Variants in C2CD2L observed in about 807,000 individuals in gnomAD.
C2CD2L encodes the protein phospholipid transfer protein C2CD2L.
In C2CD2L, 24 loss-of-function variants were observed where a neutral mutation model predicts 69.9. That is an observed-to-expected ratio of 0.34 (90% CI 0.25 to 0.48). The LOEUF (loss-of-function observed/expected upper bound fraction) is 0.48, where lower values mean the gene tolerates loss of function less well. Among genes scored for constraint, C2CD2L ranks in the 20% least tolerant of loss-of-function variants. The probability of loss-of-function intolerance (pLI) is 0.99; values close to 1 mark genes in which losing one functional copy is unlikely to be tolerated. For missense variants in C2CD2L, 811 were observed against 941.5 expected (o/e 0.86, Z 1.81); for synonymous variants, 367 against 391.0 (o/e 0.94, Z 0.72).
chr11:119,102,264 C>T, upstream of C2CD2L: 1 of 480,562 alleles, frequency 2.1e-6, no homozygotes, highest in South Asian at 1.5e-5. Context: ...GGGATGCCTC[C>T]GGCTCCAGGA....
Position 119,114,177 on chromosome 11 carries a change from C to T in C2CD2L, c.1721C>T (p.Ser574Phe), listed in dbSNP as rs778502026. The stretch of plus-strand genomic sequence containing the variant: ...GATGCAGGGACCAGCGGAGGCCCCT[C>T]TTCACCTCCCTCAGACCCACCAGCC... Reference protein sequence around the residue: ...QDDAGTSGGPSSPPSDPPAMS... With the variant: ...QDDAGTSGGPFSPPSDPPAMS... The change falls in exon 13 of 14, where the codon TCT (serine) becomes TTT (phenylalanine). Residue 574 changes from serine (S) to phenylalanine (F), a missense_variant. Coordinates refer to ENST00000648610, the MANE Select transcript of C2CD2L (RefSeq NM_001290474.2). The surrounding 1 kb of genome is among the most constrained non-coding windows in gnomAD (Gnocchi z 5.1). The T allele has an allele frequency of 6.2e-7, 1 of 1,614,158 alleles. No homozygotes were observed. The highest frequency in any genetic ancestry group is 1.1e-5 in the South Asian group (1 of 91,078).
upstream of C2CD2L, among the ~76,000 whole-genome samples, chr11:119,103,705 A>G (rs112285792): frequency 4.2e-3 from 647 of 152,320 alleles, 5 homozygotes; most frequent in African/African-American, 0.015. Flanking sequence ...CAAAACAAAC[A>G]AACAAACAAA....
In C2CD2L at chr11:119,117,311, A is replaced by T. The variant is rs1459438467; in HGVS notation, c.*1055A>T. 1.3e-5 allele frequency: 2 copies of T among 152,254 alleles called. No individual in the cohort carries two copies. The highest frequency in any genetic ancestry group is 2.9e-5 in the Non-Finnish European group (2 of 68,050). The allele number at this position is 152,254 out of a possible 1,614,324, so 9.4% of individuals were successfully genotyped here. A position where few individuals can be genotyped will look rare whatever the true frequency, so the allele number is the denominator to read the frequency against. On this transcript the variant is annotated 3_prime_UTR_variant, in exon 14 of 14. Transcript: ENST00000648610. ...TGGAAGAGACAGGAGGCTCTGGAGT[A>T]TGAAATTGTAGCAAAAAACTCAATC... is the stretch of plus-strand genomic sequence containing the variant.
At position 119,110,980 on chromosome 11, in the gene C2CD2L, G is replaced by C; in HGVS notation, c.681+23G>C. 1 of 1,613,996 alleles carries C rather than the reference G, an allele frequency of 6.2e-7. No individual in the cohort carries two copies. Among genetic ancestry groups the C allele is most frequent in the Non-Finnish European group, 8.5e-7 (1 of 1,179,858 alleles). On this transcript the variant is annotated intron_variant, in intron 4 of 13. Coordinates refer to ENST00000648610, the MANE Select transcript of C2CD2L (RefSeq NM_001290474.2). This position sits in a 1 kb window ranked among gnomAD's most constrained non-coding sequence, Gnocchi z 5.7. ...GAGGTAAGGAGGCAGAGCTGGCAGAGAAGAGGCAGAACGGGGAGGGAGGCA... is the reference window on the plus strand; with the variant it reads ...GAGGTAAGGAGGCAGAGCTGGCAGACAAGAGGCAGAACGGGGAGGGAGGCA...
rs1189879282 is a variant in C2CD2L, at chr11:119,114,014, T to G, written c.1623+26T>G. On this transcript the variant is annotated intron_variant, in intron 12 of 13. Transcript: ENST00000648610. This position sits in a 1 kb window ranked among gnomAD's most constrained non-coding sequence, Gnocchi z 5.1. ...GTAACAGGGCTCTGGGGAGAGGAGC[T>G]GGGATGGGGAGAAAGCCCTAATGGG... 3 of 1,613,350 alleles carry G rather than the reference T, an allele frequency of 1.9e-6. No individual in the cohort carries two copies. Among genetic ancestry groups the G allele is most frequent in the Non-Finnish European group, 8.5e-7 (1 of 1,179,418 alleles).
chr11:119,108,155 ACT>A, intron 1 of C2CD2L, 60 bp downstream of exon 1: 1 of 1,204,330 alleles, frequency 8.3e-7, no homozygotes, highest in Non-Finnish European at 1.2e-6. Context: ...GGAGGGACTG[ACT>A]GCTCGTGCTA....
chr11:119,114,185 C>G lies in C2CD2L; in HGVS notation c.1729C>G (p.Pro577Ala), dbSNP rs968177872. 1 of 1,614,170 alleles carries G rather than the reference C, an allele frequency of 6.2e-7. No individual in the cohort carries two copies. Among genetic ancestry groups the G allele is most frequent in the Non-Finnish European group, 8.5e-7 (1 of 1,180,032 alleles). The change falls in exon 13 of 14, where the codon CCC (proline) becomes GCC (alanine). Residue 577 changes from proline to alanine, a missense_variant. Transcript: ENST00000648610. This position sits in a 1 kb window ranked among gnomAD's most constrained non-coding sequence, Gnocchi z 5.1. ...AGTSGGPSSP[P>A]SDPPAMSPGP... Reference sequence around the variant, plus strand: ...GACCAGCGGAGGCCCCTCTTCACCTCCCTCAGACCCACCAGCCATGTCTCC... The same window carrying G: ...GACCAGCGGAGGCCCCTCTTCACCTGCCTCAGACCCACCAGCCATGTCTCC...
Position 119,110,976 on chromosome 11 carries a change from C to T in C2CD2L, c.681+19C>T. On this transcript the variant is annotated intron_variant, in intron 4 of 13. Transcript: ENST00000648610. The surrounding 1 kb of genome is among the most constrained non-coding windows in gnomAD (Gnocchi z 5.7). ...CAGGGAGGTAAGGAGGCAGAGCTGG[C>T]AGAGAAGAGGCAGAACGGGGAGGGA... 6.2e-7 allele frequency: 1 copy of T among 1,613,912 alleles called. No individual in the cohort carries two copies. Among genetic ancestry groups the T allele is most frequent in the Non-Finnish European group, 8.5e-7 (1 of 1,179,832 alleles).
chr11:119,111,484 C>A, intron 6 of C2CD2L, 37 bp from the exon 7 acceptor site: 1 of 1,606,360 alleles, frequency 6.2e-7, no homozygotes, highest in South Asian at 1.1e-5. Context: ...CTTCCCATCT[C>A]TGATCTGAGC....
rs1403825851 is a variant in C2CD2L, at chr11:119,107,634, G to C, written c.-108G>C. ...CCGCGGAGAGCCCCCGACCCCGCGCGCCCAGCCCCGGGGGAGCCCACCTCC... is the reference window on the plus strand; with the variant it reads ...CCGCGGAGAGCCCCCGACCCCGCGCCCCCAGCCCCGGGGGAGCCCACCTCC... On this transcript the variant is annotated 5_prime_UTR_variant, in exon 1 of 14. Coordinates refer to ENST00000648610, the MANE Select transcript of C2CD2L (RefSeq NM_001290474.2). The surrounding 1 kb of genome is among the most constrained non-coding windows in gnomAD (Gnocchi z 5.4). The C allele has an allele frequency of 6.9e-6, 4 of 577,872 alleles. No homozygotes were observed. The highest frequency in any genetic ancestry group is 8.1e-6 in the Non-Finnish European group (3 of 369,996). 35.8% of individuals were successfully genotyped at this position (577,872 alleles called of 1,614,324 possible).
chr11:119,116,290 G>A lies in C2CD2L; in HGVS notation c.*34G>A. The stretch of plus-strand genomic sequence containing the variant: ...CTCTGAAAGGGCACGAGTTCTCTCA[G>A]CCCATTCCCCACCTCCCCTTCCATA... On this transcript the variant is annotated 3_prime_UTR_variant, in exon 14 of 14. Transcript: ENST00000648610. 2 of 1,526,466 alleles carry A rather than the reference G, an allele frequency of 1.3e-6. No homozygotes were observed. The highest frequency in any genetic ancestry group is 1.1e-5 in the South Asian group (1 of 89,294). 94.6% of individuals were successfully genotyped at this position (1,526,466 alleles called of 1,614,324 possible).
chr11:119,102,925 T>C (rs1190393871), upstream of C2CD2L, among the ~76,000 whole-genome samples: 2 of 124,258 alleles, frequency 1.6e-5, no homozygotes, highest in Non-Finnish European at 3.2e-5. Flanking sequence ...CAGGCTGGAG[T>C]GCAATGGCGC....
At position 119,111,317 on chromosome 11, in the gene C2CD2L, C is replaced by A. The variant is rs768428400; in HGVS notation, c.853C>A (p.Pro285Thr). 6.2e-7 allele frequency: 1 copy of A among 1,614,112 alleles called. No homozygotes were observed. The highest frequency in any genetic ancestry group is 1.3e-5 in the African/African-American group (1 of 74,934). ...MPQAQPAIPR[P>T]NRLFLRQLRA... Reference sequence around the variant, plus strand: ...CCAGGCTCAGCCAGCCATCCCCAGACCTAACCGGTTATTCCTACGGCAGCT... The same window carrying A: ...CCAGGCTCAGCCAGCCATCCCCAGAACTAACCGGTTATTCCTACGGCAGCT... Residue 285 changes from proline (P) to threonine (T), a missense_variant, in exon 6 of 14, where the codon CCT (proline) becomes ACT (threonine). Transcript: ENST00000648610.
upstream of C2CD2L, among the ~76,000 whole-genome samples, chr11:119,105,609 C>T (rs1440858868): frequency 6.7e-6 from 1 of 150,338 alleles, no homozygotes; most frequent in Non-Finnish European, 1.5e-5. Flanking sequence ...TACTGCACCC[C>T]AGCCTGGGCA....
At position 119,114,250 on chromosome 11, in the gene C2CD2L, G is replaced by A; in HGVS notation, c.1794G>A (p.Gln598=). Residue 598 remains glutamine, a synonymous_variant, in exon 13 of 14, where the codon CAG becomes CAA. Coordinates refer to ENST00000648610, the MANE Select transcript of C2CD2L (RefSeq NM_001290474.2). The surrounding 1 kb of genome is among the most constrained non-coding windows in gnomAD (Gnocchi z 5.1). ...LDALSSPTSV[Q]EADETTRSDI... ...CCCTCTCTAGTCCCACAAGTGTCCA[G>A]GAAGCAGACGAGACAACCCGTTCGG... is the stretch of plus-strand genomic sequence containing the variant. 1 of 1,614,184 alleles carries A rather than the reference G, an allele frequency of 6.2e-7. No homozygotes were observed. Among genetic ancestry groups the A allele is most frequent in the Non-Finnish European group, 8.5e-7 (1 of 1,180,032 alleles).
chr11:119,112,375 G>A lies in C2CD2L; in HGVS notation c.1067G>A (p.Ser356Asn). 6.2e-7 allele frequency: 1 copy of A among 1,613,706 alleles called. No homozygotes were observed. The highest frequency in any genetic ancestry group is 8.5e-7 in the Non-Finnish European group (1 of 1,179,884). Residue 356 changes from serine to asparagine, a missense_variant, in exon 8 of 14, where the codon AGC becomes AAC. Ser to Asn is a conservative substitution (Grantham distance 46). Coordinates refer to ENST00000648610, the MANE Select transcript of C2CD2L (RefSeq NM_001290474.2). ...SRELTLKVLR[S>N]SSCGDTELLG... ...GAGCTGACCCTCAAAGTGCTGAGGAGCAGCAGCTGTGGAGACAGTAAGTGA... is the reference window on the plus strand; with the variant it reads ...GAGCTGACCCTCAAAGTGCTGAGGAACAGCAGCTGTGGAGACAGTAAGTGA...
Position 119,114,607 on chromosome 11 carries a change from C to T in C2CD2L, c.1909+242C>T, listed in dbSNP as rs1946838623. 1.8e-6 allele frequency: 1 copy of T among 546,104 alleles called. No individual in the cohort carries two copies. Among genetic ancestry groups the T allele is most frequent in the Non-Finnish European group, 3.3e-6 (1 of 306,902 alleles). 33.8% of individuals were successfully genotyped at this position (546,104 alleles called of 1,614,324 possible). On this transcript the variant is annotated intron_variant, in intron 13 of 13. Coordinates refer to ENST00000648610, the MANE Select transcript of C2CD2L (RefSeq NM_001290474.2). This position sits in a 1 kb window ranked among gnomAD's most constrained non-coding sequence, Gnocchi z 5.1. Reference sequence around the variant, plus strand: ...CCTTTACCTCCATTGTTCTTTCTTCCTGAGTCTAAGTGCCATTTTTCCTGC... The same window carrying T: ...CCTTTACCTCCATTGTTCTTTCTTCTTGAGTCTAAGTGCCATTTTTCCTGC...
upstream of C2CD2L, chr11:119,106,866 C>T (rs1946601552): frequency 6.6e-6 from 1 of 152,294 alleles, no homozygotes; most frequent in East Asian, 1.9e-4. Flanking sequence ...CTCTCAACCT[C>T]TCCCAGCTTC....
Position 119,114,334 on chromosome 11 carries a change from C to T in C2CD2L, c.1878C>T (p.Ala626=). The change falls in exon 13 of 14, where the codon GCC becomes GCT. Residue 626 remains alanine (A), a synonymous_variant. Transcript: ENST00000648610. This position sits in a 1 kb window ranked among gnomAD's most constrained non-coding sequence, Gnocchi z 5.1. ...AGTCGGAAACGGGGTCCACTGGTGC[C>T]CTGGAGACCCGCAGCCTCAAGGATC... ...DIESETGSTG[A]LETRSLKDHK... is the part of the protein sequence containing the mutation. 1 of 1,614,122 alleles carries T rather than the reference C, an allele frequency of 6.2e-7. No individual in the cohort carries two copies. Among genetic ancestry groups the T allele is most frequent in the Admixed American group, 1.7e-5 (1 of 60,018 alleles).
Sources: gnomAD v4.1 joint callset for allele counts (sites outside exome capture counted in the v4.1 genomes callset) on GRCh38, gnomAD v4.1.1 for gene constraint, Gnocchi (gnomAD v3.1) non-coding constraint, MANE v1.5 for transcripts, NCBI Gene and HGNC (gene_info 2026-07-23, HGNC 2026-07-21) for gene names.